Variants in ITPR1 observed in about 807,000 individuals in gnomAD.
The protein encoded by ITPR1 is inositol 1,4,5-trisphosphate receptor type 1, also known as inositol 1,4,5-trisphosphate-gated calcium channel ITPR1.
ITPR1 carries 96 observed loss-of-function variants against 318.4 expected under a neutral mutation model. That is an observed-to-expected ratio of 0.30 (90% CI 0.26 to 0.36). ITPR1 has a LOEUF of 0.36. ITPR1 is among the 10% of genes least tolerant of loss of function. ITPR1 has a pLI of 1.00. For missense variants in ITPR1, 2,440 were observed against 3,460.2 expected, an observed-to-expected ratio of 0.71 and a Z score of 7.40; for synonymous variants, 1,312 against 1,289.9, an observed-to-expected ratio of 1.02 and a Z score of -0.37.
In ITPR1 at chr3:4,539,808, C is replaced by A. The variant is rs1293693127; in HGVS notation, c.163+18714C>A. 4.6e-5 allele frequency among the ~76,000 whole-genome samples: 7 copies of A among 152,096 alleles called. No individual in the cohort carries two copies. In the South Asian group the frequency reaches 1.5e-3, roughly 32 times the overall value. On this transcript the variant is annotated intron_variant, in intron 4 of 61. Coordinates refer to ENST00000649015, the MANE Select transcript of ITPR1 (RefSeq NM_001378452.1). ...TGCTCAGCCCCATCGCCATGGGATA[C>A]CCTGTGCTGCCGAGGGACTCTTTAG... is the stretch of plus-strand genomic sequence containing the variant.
Position 4,665,311 on chromosome 3 carries a change from T to A in ITPR1, c.1713+15T>A. 6.3e-7 allele frequency: 1 copy of A among 1,597,036 alleles called. No homozygotes were observed. The highest frequency in any genetic ancestry group is 8.6e-7 in the Non-Finnish European group (1 of 1,167,810). On this transcript the variant is annotated intron_variant, in intron 17 of 61. Transcript: ENST00000649015. ...GGAAGAACCAGGTTTGGATTAAGCA[T>A]TGGTGGGATGTGGTTGTCAGTTTCC... is the stretch of plus-strand genomic sequence containing the variant.
chr3:4,758,409 CTG>C (rs774002249), intron 44 of ITPR1, among the ~76,000 whole-genome samples: 6 of 152,228 alleles, frequency 3.9e-5, no homozygotes, highest in Non-Finnish European at 8.8e-5. Context: ...CGCCACTGCC[CTG>C]TCTTGCAGCT....
At chr3:4,575,228 G>C (rs2088503298) in intron 4 of ITPR1, among the ~76,000 whole-genome samples, 1 of 152,152 alleles carries the variant, frequency 6.6e-6, no homozygotes, top group Admixed American at 6.5e-5. Context: ...CGTATTATGG[G>C]AGCACAAATA....
At chr3:4,768,855 C>A (rs2045990916) in intron 46 of ITPR1, 91 bp downstream of exon 46, 4 of 1,262,676 alleles carry the variant, frequency 3.2e-6, no homozygotes, top group South Asian at 1.5e-5. Context: ...CTCACTTGGG[C>A]CAGATTGCTT....
At chr3:4,620,150 G>A (rs1022473501) in intron 4 of ITPR1, among the ~76,000 whole-genome samples, 1 of 152,162 alleles carries the variant, frequency 6.6e-6, no homozygotes, top group Non-Finnish European at 1.5e-5. Flanking sequence ...CGATGTTCCA[G>A]ACACCTGCTG....
intron 18 of ITPR1, 135 bp downstream of exon 18, chr3:4,667,684 G>A: frequency 1.4e-6 from 1 of 740,384 alleles, no homozygotes; most frequent in Admixed American, 3.3e-5. Context: ...GAGGCTTTTT[G>A]ATGAGTAGTG....
intron 36 of ITPR1, among the ~76,000 whole-genome samples, chr3:4,705,087 G>A (rs766675652): frequency 4.6e-5 from 7 of 151,982 alleles, no homozygotes; most frequent in Non-Finnish European, 8.8e-5. Flanking sequence ...CCTCTTTCAG[G>A]ATGTTGGAGT....
At chr3:4,654,024 A>G (rs568787720) in intron 12 of ITPR1, 138 bp downstream of exon 12, 7 of 619,706 alleles carry the variant, frequency 1.1e-5, no homozygotes, top group Admixed American at 5.5e-5. Context: ...AAACACGATC[A>G]TGTTCTGTGC....
intron 57 of ITPR1, 54 bp from the exon 58 acceptor site, chr3:4,814,369 G>T: frequency 6.3e-7 from 1 of 1,593,988 alleles, no homozygotes; most frequent in East Asian, 2.2e-5. Flanking sequence ...TCAAAATCCC[G>T]GTCTCTCTTT....
chr3:4,767,542 T>A (rs1321230713), intron 45 of ITPR1, among the ~76,000 whole-genome samples: 1 of 152,240 alleles, frequency 6.6e-6, no homozygotes, highest in Non-Finnish European at 1.5e-5. Flanking sequence ...AAATCTTGGC[T>A]CTGTCTCACT....
chr3:4,526,337 C>A (rs1409945460), intron 4 of ITPR1, among the ~76,000 whole-genome samples: 1 of 152,226 alleles, frequency 6.6e-6, no homozygotes, highest in Non-Finnish European at 1.5e-5. Context: ...GGGGATCAGA[C>A]AGACTGAATA....
intron 2 of ITPR1, among the ~76,000 whole-genome samples, chr3:4,511,944 G>T (rs997232304): frequency 1.3e-5 from 2 of 152,162 alleles, no homozygotes; most frequent in East Asian, 1.9e-4. Flanking sequence ...CAAAAGTTCT[G>T]GGAGGCGGCT....
intron 4 of ITPR1, among the ~76,000 whole-genome samples, chr3:4,531,347 A>G (rs1240396995): frequency 1.3e-5 from 2 of 152,210 alleles, no homozygotes; most frequent in African/African-American, 4.8e-5. Context: ...AGCTCCGGCA[A>G]CAACATTTCT....
At chr3:4,607,208 C>T (rs2091763585) in intron 4 of ITPR1, among the ~76,000 whole-genome samples, 1 of 152,148 alleles carries the variant, frequency 6.6e-6, no homozygotes, top group South Asian at 2.1e-4. Context: ...GTTAGAAATG[C>T]AGTCTCAGAC....
intron 60 of ITPR1, among the ~76,000 whole-genome samples, chr3:4,829,211 C>T (rs996148879): frequency 6.6e-6 from 1 of 152,212 alleles, no homozygotes; most frequent in Non-Finnish European, 1.5e-5. Flanking sequence ...GACTTATACA[C>T]TCATTCACCG....
chr3:4,789,229 T>C (rs11721322), intron 52 of ITPR1, among the ~76,000 whole-genome samples: 45,481 of 152,166 alleles, frequency 0.3, 7,267 homozygotes, highest in Non-Finnish European at 0.34. Flanking sequence ...GCCAGCTCCA[T>C]GTCTAGTGTC....
At chr3:4,541,159 TTTTG>T (rs1424882298) in intron 4 of ITPR1, among the ~76,000 whole-genome samples, 3 of 152,208 alleles carry the variant, frequency 2.0e-5, no homozygotes, top group Non-Finnish European at 4.4e-5. Flanking sequence ...TTAGATATGA[TTTTG>T]TTTTATATTG....
chr3:4,722,293 G>A (rs1336087163), intron 40 of ITPR1, among the ~76,000 whole-genome samples: 1 of 152,178 alleles, frequency 6.6e-6, no homozygotes, highest in Non-Finnish European at 1.5e-5. Flanking sequence ...GAGCACATCA[G>A]ATCACTATGA....
At chr3:4,525,299 A>G (rs2082890274) in intron 4 of ITPR1, among the ~76,000 whole-genome samples, 1 of 152,232 alleles carries the variant, frequency 6.6e-6, no homozygotes, top group Non-Finnish European at 1.5e-5. Flanking sequence ...CTTAGTACAC[A>G]GTAGTTGTTC....
Sources: gnomAD v4.1 joint callset for allele counts (sites outside exome capture counted in the v4.1 genomes callset) on GRCh38, gnomAD v4.1.1 for gene constraint, MANE v1.5 for transcripts, NCBI Gene and HGNC (gene_info 2026-07-23, HGNC 2026-07-21) for gene names.